The following POR variants were observed in gnomAD, a reference collection of about 807,000 sequenced individuals.
POR encodes the protein NADPH--cytochrome P450 reductase.
POR carries 56 observed loss-of-function variants against 84.0 expected under a neutral mutation model. The ratio of observed to expected loss-of-function variants is 0.67; its 90% CI spans 0.54 to 0.83. The LOEUF (loss-of-function observed/expected upper bound fraction) is 0.83, where lower values mean the gene tolerates loss of function less well. POR is among the 40% of genes least tolerant of loss of function. The pLI is 0.00. For missense variants in POR, 938 were observed against 944.3 expected, an observed-to-expected ratio of 0.99 and a Z score of 0.09; for synonymous variants, 414 against 400.5, an observed-to-expected ratio of 1.03 and a Z score of -0.40.
chr7:75,984,022 G>A (rs1278895167), intron 10 of POR, among the ~76,000 whole-genome samples, 166 bp downstream of exon 10: 5 of 152,190 alleles, frequency 3.3e-5, no homozygotes, highest in Non-Finnish European at 5.9e-5. Context: ...GGGAGGCGGG[G>A]TGGCCCTAGG....
chr7:75,971,415 C>T (rs531182838), intron 2 of POR, among the ~76,000 whole-genome samples: 32 of 152,032 alleles, frequency 2.1e-4, no homozygotes, highest in Non-Finnish European at 4.1e-4. Context: ...GCTTGAAAGT[C>T]CTGGGCAAGG....
chr7:75,971,984 G>T (rs1554556215), intron 2 of POR, among the ~76,000 whole-genome samples: 1 of 152,068 alleles, frequency 6.6e-6, no homozygotes, highest in African/African-American at 2.4e-5. Context: ...GATGTGAGAG[G>T]CAGGGGCTGG....
At chr7:75,941,315 G>T (rs1000108841) in intron 1 of POR, among the ~76,000 whole-genome samples, 4 of 152,192 alleles carry the variant, frequency 2.6e-5, no homozygotes, top group Non-Finnish European at 5.9e-5. Context: ...GGAACCGTGC[G>T]TGGACTCGAG....
chr7:75,977,808 AAAG>A (rs1373493928), intron 3 of POR, among the ~76,000 whole-genome samples: 1 of 152,176 alleles, frequency 6.6e-6, no homozygotes, highest in African/African-American at 2.4e-5. Context: ...GAAAAGAAAA[AAAG>A]AAAAATGCCT....
chr7:75,966,492 CTG>C (rs1399813321), intron 2 of POR, among the ~76,000 whole-genome samples: 2 of 152,204 alleles, frequency 1.3e-5, no homozygotes, highest in Admixed American at 6.5e-5. Flanking sequence ...CATCGTGCCT[CTG>C]TGCCTCAGCC....
chr7:75,923,170 C>T (rs782134505), intron 1 of POR: 174 of 1,115,988 alleles, frequency 1.6e-4, no homozygotes, highest in Non-Finnish European at 2.2e-4. Context: ...CATTTTGAAA[C>T]GTAGACAAGC....
chr7:75,940,190 T>A (rs2116332810), intron 1 of POR, among the ~76,000 whole-genome samples: 1 of 151,782 alleles, frequency 6.6e-6, no homozygotes, highest in South Asian at 2.1e-4. Context: ...TTCAAGTGAT[T>A]CTCCTGCCTC....
intron 1 of POR, among the ~76,000 whole-genome samples, chr7:75,949,170 T>TTG (rs1787308220): frequency 6.7e-6 from 1 of 149,274 alleles, no homozygotes; most frequent in African/African-American, 2.6e-5. Context: ...TGTTGTTGTT[T>TTG]TTGAGACGGA....
chr7:75,954,055 A>G lies in POR; in HGVS notation c.63A>G (p.Glu21=), dbSNP rs920539251. The G allele has an allele frequency of 6.2e-7, 1 of 1,611,864 alleles. No homozygotes were observed. Among genetic ancestry groups the G allele is most frequent in the Non-Finnish European group, 8.5e-7 (1 of 1,178,988 alleles). ...CCACCGTGTCCGAGGCGGTGGCCGAAGAAGTATCTCTTTTCAGCATGACGG... is the reference window on the plus strand; with the variant it reads ...CCACCGTGTCCGAGGCGGTGGCCGAGGAAGTATCTCTTTTCAGCATGACGG... Residue 21 remains glutamate, a synonymous_variant, in exon 2 of 16, where the codon GAA becomes GAG. Coordinates refer to ENST00000461988, the MANE Select transcript of POR (RefSeq NM_000941.3).
chr7:75,939,573 C>T (rs1554551291), intron 1 of POR, among the ~76,000 whole-genome samples: 1 of 140,588 alleles, frequency 7.1e-6, no homozygotes, highest in African/African-American at 2.7e-5. Context: ...ACAGAAGATG[C>T]TAGTCTTCAA....
intron 1 of POR, among the ~76,000 whole-genome samples, chr7:75,942,011 G>C (rs1786942678): frequency 6.6e-6 from 1 of 151,846 alleles, no homozygotes; most frequent in Admixed American, 6.6e-5. Context: ...TTGAGTCCAG[G>C]AGTTTGAGAC....
Position 75,981,063 on chromosome 7 carries a change from A to C in POR, c.532A>C (p.Asn178His). ...GTCCACGCAGGTGTTTGGTCTTGGG[A>C]ACAAGACCTACGAGCACTTCAATGC... Residue 178 changes from asparagine (N) to histidine (H), a missense_variant, in exon 6 of 16, where the codon AAC (asparagine) becomes CAC (histidine). Transcript: ENST00000461988. 6.3e-7 allele frequency: 1 copy of C among 1,576,008 alleles called. No homozygotes were observed. The highest frequency in any genetic ancestry group is 8.6e-7 in the Non-Finnish European group (1 of 1,160,936).
At chr7:75,964,066 C>G (rs1788063228) in intron 2 of POR, among the ~76,000 whole-genome samples, 2 of 150,948 alleles carry the variant, frequency 1.3e-5, no homozygotes, top group Non-Finnish European at 2.9e-5. Context: ...GTGGCACAAT[C>G]TTGGCTCACT....
chr7:75,921,596 C>T (rs146131401), intron 1 of POR, among the ~76,000 whole-genome samples: 1 of 152,050 alleles, frequency 6.6e-6, no homozygotes, highest in East Asian at 1.9e-4. Context: ...TGTGGTCTTA[C>T]TGTAGCCCCT....
At chr7:75,920,221 A>G (rs1259180296) in intron 1 of POR, among the ~76,000 whole-genome samples, 1 of 150,734 alleles carries the variant, frequency 6.6e-6, no homozygotes. Context: ...GCGTGCCATC[A>G]CGCCCGGCTA....
chr7:75,948,163 C>G lies in POR; in HGVS notation c.-4-5826C>G, dbSNP rs1024974567. On this transcript the variant is annotated intron_variant, in intron 1 of 15. Coordinates refer to ENST00000461988, the MANE Select transcript of POR (RefSeq NM_000941.3). ...AGCTGGGCCTGTTTCTCGTTTTGCC[C>G]GAGTGAGGTGCTTACCCCGTGTGGC... 1.9e-4 allele frequency among the ~76,000 whole-genome samples: 29 copies of G among 152,136 alleles called. 1 individual carries two copies. Among genetic ancestry groups the G allele is most frequent in the African/African-American group, 2.4e-5 (1 of 41,434 alleles).
chr7:75,941,570 A>C (rs1356540918), intron 1 of POR, among the ~76,000 whole-genome samples: 2 of 152,180 alleles, frequency 1.3e-5, no homozygotes, highest in Non-Finnish European at 2.9e-5. Context: ...CTAATAACTT[A>C]TTTCTTGTCA....
chr7:75,974,780 GCCTCCCA>G (rs1229044364), intron 3 of POR, among the ~76,000 whole-genome samples: 1 of 151,952 alleles, frequency 6.6e-6, no homozygotes, highest in Non-Finnish European at 1.5e-5. Context: ...ACTCAACTTG[GCCTCCCA>G]AAGTTCTGGA....
intron 2 of POR, among the ~76,000 whole-genome samples, chr7:75,972,053 C>G (rs1320459528): frequency 6.6e-6 from 1 of 151,944 alleles, no homozygotes; most frequent in African/African-American, 2.4e-5. Flanking sequence ...GGGACCTGGG[C>G]TGTGGGTGGG....
Sources: allele counts gnomAD v4.1 joint callset (sites outside exome capture counted in the v4.1 genomes callset), GRCh38; gene constraint gnomAD v4.1.1; transcripts MANE v1.5; gene names NCBI Gene and HGNC (gene_info 2026-07-23, HGNC 2026-07-21).